The following RBFOX3 variants were observed in gnomAD, a reference collection of about 807,000 sequenced individuals.
RBFOX3 encodes RNA binding fox-1 homolog 3, also known as RNA binding protein fox-1 homolog 3.
RBFOX3 carries 17 observed loss-of-function variants against 48.7 expected under a neutral mutation model. The observed-to-expected ratio is 0.35, with a 90% CI of 0.24 to 0.52. The LOEUF (loss-of-function observed/expected upper bound fraction) is 0.52, where lower values mean the gene tolerates loss of function less well. RBFOX3 is among the 20% of genes least tolerant of loss of function. RBFOX3 has a pLI of 0.94. For missense variants in RBFOX3, 382 were observed against 497.5 expected, an observed-to-expected ratio of 0.77 and a Z score of 2.21; for synonymous variants, 212 against 209.5, an observed-to-expected ratio of 1.01 and a Z score of -0.10.
At chr17:79,555,460 A>G (rs1320902493) in intron 1 of RBFOX3, among the ~76,000 whole-genome samples, 10 of 111,090 alleles carry the variant, frequency 9.0e-5, no homozygotes, top group East Asian at 5.1e-4. Context: ...GGTAGTGATG[A>G]TGATGATGAC....
chr17:79,126,276 C>T (rs1026116338), intron 4 of RBFOX3, among the ~76,000 whole-genome samples: 1 of 152,226 alleles, frequency 6.6e-6, no homozygotes, highest in African/African-American at 2.4e-5. Context: ...ACAGGACAGA[C>T]GGATGTCCAC....
At chr17:79,393,453 TG>T (rs545583548) in intron 2 of RBFOX3, among the ~76,000 whole-genome samples, 90 of 152,370 alleles carry the variant, frequency 5.9e-4, no homozygotes, top group Middle Eastern at 3.4e-3. Flanking sequence ...GTGTGGTCCC[TG>T]GCGCCACCTC....
the RBFOX3 span, among the ~76,000 whole-genome samples, chr17:79,653,731 T>A: frequency 5.3e-5 from 8 of 151,502 alleles, no homozygotes; most frequent in East Asian, 1.6e-3. Context: ...ATTTGGAGCA[T>A]AATTTCAATT....
At chr17:79,095,930 G>A (rs1446368091) in intron 12 of RBFOX3, among the ~76,000 whole-genome samples, 2 of 152,222 alleles carry the variant, frequency 1.3e-5, no homozygotes, top group African/African-American at 4.8e-5. Context: ...CCTTGGCAAG[G>A]AAGAGGTGCT....
chr17:79,192,061 T>A (rs926949848), intron 4 of RBFOX3, among the ~76,000 whole-genome samples: 1 of 152,124 alleles, frequency 6.6e-6, no homozygotes, highest in African/African-American at 2.4e-5. Flanking sequence ...ATTCTGAGGC[T>A]GCCACCCCTG....
chr17:79,101,648 TTCAAAGAGGGAA>T lies in RBFOX3; in HGVS notation c.508-16_508-5del. 1 of 1,551,058 alleles carries T rather than the reference TTCAAAGAGGGAA, an allele frequency of 6.4e-7. No homozygotes were observed. The highest frequency in any genetic ancestry group is 8.7e-7 in the Non-Finnish European group (1 of 1,146,802). The stretch of plus-strand genomic sequence containing the variant: ...CTCGGGCCGTGGCATTATTGACCTG[TTCAAAGAGGGAA>T]GGAGAGAGAGGAAGAGGGAGGATTA... On this transcript the variant is annotated splice_region_variant and splice_polypyrimidine_tract_variant and intron_variant, in intron 8 of 14. Coordinates refer to ENST00000693108, the MANE Select transcript of RBFOX3 (RefSeq NM_001350451.2).
the RBFOX3 span, among the ~76,000 whole-genome samples, chr17:79,623,852 G>A: frequency 7.0e-6 from 1 of 142,722 alleles, no homozygotes; most frequent in Non-Finnish European, 1.5e-5. Context: ...AGTGGAGGAG[G>A]CAAGAGAGTC....
chr17:79,278,282 C>T, intron 3 of RBFOX3, among the ~76,000 whole-genome samples: 1 of 152,194 alleles, frequency 6.6e-6, no homozygotes, highest in Non-Finnish European at 1.5e-5. Flanking sequence ...ATCATAGGAT[C>T]ACGAGAAAGA....
intron 6 of RBFOX3, 142 bp downstream of exon 6, chr17:79,106,509 C>T (rs2077396357): frequency 9.1e-7 from 1 of 1,100,340 alleles, no homozygotes; most frequent in South Asian, 2.0e-5. Context: ...GGAAGGAATC[C>T]TGGGGCCCCG....
At chr17:79,296,655 A>C (rs11077422) in intron 3 of RBFOX3, among the ~76,000 whole-genome samples, 82,548 of 150,386 alleles carry the variant, frequency 0.55, 22,864 homozygotes, top group Middle Eastern at 0.69. Flanking sequence ...AGACTCTCCC[A>C]TCTCCCTCCT....
At chr17:79,319,591 T>C (rs997607976) in intron 2 of RBFOX3, among the ~76,000 whole-genome samples, 20 of 151,678 alleles carry the variant, frequency 1.3e-4, no homozygotes, top group Non-Finnish European at 2.4e-4. Context: ...GCTGTTCTTA[T>C]CCTGGCTGCT....
intron 2 of RBFOX3, among the ~76,000 whole-genome samples, chr17:79,395,080 G>A (rs1182774487): frequency 6.6e-6 from 1 of 152,258 alleles, no homozygotes; most frequent in Non-Finnish European, 1.5e-5. Context: ...TGGGGATCCA[G>A]GCCCGCAAAG....
At chr17:79,396,948 G>T (rs573387100) in intron 2 of RBFOX3, among the ~76,000 whole-genome samples, 5 of 152,230 alleles carry the variant, frequency 3.3e-5, no homozygotes, top group Admixed American at 1.3e-4. Flanking sequence ...CAAGGAGAAC[G>T]AACCCCTGTC....
intron 4 of RBFOX3, among the ~76,000 whole-genome samples, chr17:79,139,244 C>A (rs539343521): frequency 1.3e-5 from 2 of 151,824 alleles, no homozygotes; most frequent in Admixed American, 6.5e-5. Context: ...GGGCCCCCCC[C>A]ACCCCGACAC....
chr17:79,301,753 C>T (rs768883676), intron 3 of RBFOX3, among the ~76,000 whole-genome samples: 10 of 152,168 alleles, frequency 6.6e-5, no homozygotes, highest in Non-Finnish European at 1.0e-4. Context: ...CCCACCCATA[C>T]GTTGGAAACT....
chr17:79,320,793 G>A (rs2078408660), intron 2 of RBFOX3, among the ~76,000 whole-genome samples: 1 of 152,122 alleles, frequency 6.6e-6, no homozygotes, highest in African/African-American at 2.4e-5. Context: ...GAGCAGAACT[G>A]CCACTGTTTG....
intron 1 of RBFOX3, among the ~76,000 whole-genome samples, chr17:79,507,918 A>G (rs982799746): frequency 3.3e-5 from 5 of 152,184 alleles, no homozygotes; most frequent in Admixed American, 3.3e-4. Context: ...TGAGGGGGCC[A>G]CACACTCCAG....
chr17:79,550,369 G>T (rs1397391348), intron 1 of RBFOX3, among the ~76,000 whole-genome samples: 1 of 152,132 alleles, frequency 6.6e-6, no homozygotes, highest in Non-Finnish European at 1.5e-5. Flanking sequence ...TGCAAGGAAG[G>T]CTAAACTGGT....
chr17:79,346,019 C>T (rs755447202), intron 2 of RBFOX3, among the ~76,000 whole-genome samples: 89 of 152,128 alleles, frequency 5.9e-4, no homozygotes, highest in Non-Finnish European at 1.0e-3. Flanking sequence ...CTCCCGGGTT[C>T]AAGCAATTCT....
Sources: allele counts gnomAD v4.1 joint callset (sites outside exome capture counted in the v4.1 genomes callset), GRCh38; gene constraint gnomAD v4.1.1; transcripts MANE v1.5; gene names NCBI Gene and HGNC (gene_info 2026-07-23, HGNC 2026-07-21).